Variants in ANGPT1 observed in about 807,000 individuals in gnomAD.
ANGPT1 encodes the protein angiopoietin 1.
A neutral mutation model predicts 62.2 loss-of-function variants in ANGPT1; 17 were observed. That is an observed-to-expected ratio of 0.27 (90% CI 0.19 to 0.41). The LOEUF (loss-of-function observed/expected upper bound fraction) is 0.41. Among genes scored for constraint, ANGPT1 ranks in the 10% least tolerant of loss-of-function variants. The pLI is 1.00. For missense variants in ANGPT1, 478 were observed against 594.9 expected (o/e 0.80, Z 2.04); for synonymous variants, 199 against 198.9 (o/e 1.00, Z 0.00).
At chr8:107,356,289 C>T (rs985512150) in intron 1 of ANGPT1, among the ~76,000 whole-genome samples, 11 of 152,176 alleles carry the variant, frequency 7.2e-5, no homozygotes, top group African/African-American at 2.4e-4. Context: ...ACATTGAAAA[C>T]TAACCATGTC....
At chr8:107,459,524 AC>A (rs1427304309) in intron 1 of ANGPT1, among the ~76,000 whole-genome samples, 101 of 140,600 alleles carry the variant, frequency 7.2e-4, no homozygotes, top group Admixed American at 1.5e-3. Context: ...AACAACAACA[AC>A]AACAAAACAA....
intron 1 of ANGPT1, among the ~76,000 whole-genome samples, chr8:107,358,251 G>A (rs1275428399): frequency 6.6e-6 from 1 of 152,124 alleles, no homozygotes; most frequent in Non-Finnish European, 1.5e-5. Flanking sequence ...AATATTTGTT[G>A]AGTAGTTCTT....
At chr8:107,449,302 T>G (rs1811698883) in intron 1 of ANGPT1, among the ~76,000 whole-genome samples, 1 of 151,890 alleles carries the variant, frequency 6.6e-6, no homozygotes, top group South Asian at 2.1e-4. Context: ...AGTAACCTAT[T>G]TAATGAACTA....
At chr8:107,482,868 G>C (rs1330508930) in intron 1 of ANGPT1, among the ~76,000 whole-genome samples, 1 of 152,098 alleles carries the variant, frequency 6.6e-6, no homozygotes, top group Non-Finnish European at 1.5e-5. Context: ...GGAATGATGT[G>C]TCCTTCTGAT....
At chr8:107,354,351 T>C (rs1262542820) in intron 1 of ANGPT1, among the ~76,000 whole-genome samples, 1 of 152,122 alleles carries the variant, frequency 6.6e-6, no homozygotes, top group African/African-American at 2.4e-5. Flanking sequence ...GGAGTCAGGA[T>C]ATCTGGATTT....
chr8:107,493,990 A>G (rs1023091204), intron 1 of ANGPT1, among the ~76,000 whole-genome samples: 1 of 150,486 alleles, frequency 6.6e-6, no homozygotes, highest in African/African-American at 2.5e-5. Flanking sequence ...TATTTCTTAA[A>G]ATATTCTGGA....
At chr8:107,276,188 G>T (rs1813861670) in intron 7 of ANGPT1, among the ~76,000 whole-genome samples, 1 of 152,076 alleles carries the variant, frequency 6.6e-6, no homozygotes, top group East Asian at 1.9e-4. Context: ...GTTTTAGGAA[G>T]TAACCACAAC....
At chr8:107,375,394 CA>C (rs1483757871) in intron 1 of ANGPT1, among the ~76,000 whole-genome samples, 89 of 152,046 alleles carry the variant, frequency 5.9e-4, no homozygotes, top group Admixed American at 1.6e-3. Flanking sequence ...AGCCAGGGGA[CA>C]ATGGTCAAAA....
At chr8:107,293,233 A>C (rs1324585099) in intron 6 of ANGPT1, among the ~76,000 whole-genome samples, 1 of 145,310 alleles carries the variant, frequency 6.9e-6, no homozygotes, top group African/African-American at 2.5e-5. Flanking sequence ...GATGATGATG[A>C]TGATGCCTGC....
Position 107,370,356 on chromosome 8 carries a change from G to GAAA in ANGPT1, c.298-23262_298-23260dup, listed in dbSNP as rs1313239948. Among the ~76,000 whole-genome samples the GAAA allele has an allele frequency of 3.8e-4, 10 of 26,618 alleles. 2 individuals are homozygous for GAAA. Among genetic ancestry groups the GAAA allele is most frequent in the Non-Finnish European group, 1.3e-3 (10 of 7,582 alleles). The allele number at this position is 26,618 out of a possible 152,430, so 17.5% of individuals were successfully genotyped here. A position where few individuals can be genotyped will look rare whatever the true frequency, so the allele number is the denominator to read the frequency against. On this transcript the variant is annotated intron_variant, in intron 1 of 8. Transcript: ENST00000517746. ...AAAGAAAGAAAAAGAAAGAAAGAAA[G>GAAA]AAAGAAAGAAAGAAAGAAAGAAAGA...
intron 1 of ANGPT1, among the ~76,000 whole-genome samples, chr8:107,493,852 TG>T (rs1341519950): frequency 4.7e-5 from 7 of 150,356 alleles, no homozygotes; most frequent in Admixed American, 2.7e-4. Flanking sequence ...TCATCATCAA[TG>T]TGTTTTGGGT....
chr8:107,351,012 A>G (rs1815920358), intron 1 of ANGPT1, among the ~76,000 whole-genome samples: 1 of 152,160 alleles, frequency 6.6e-6, no homozygotes, highest in African/African-American at 2.4e-5. Flanking sequence ...GTTTACAGAA[A>G]ATGACAGCCA....
At chr8:107,414,407 A>G (rs1220289148) in intron 1 of ANGPT1, among the ~76,000 whole-genome samples, 2 of 152,228 alleles carry the variant, frequency 1.3e-5, no homozygotes, top group Admixed American at 6.5e-5. Flanking sequence ...TGGTCATTCC[A>G]TGATGTACAC....
At chr8:107,371,537 CCTT>C (rs1481930519) in intron 1 of ANGPT1, among the ~76,000 whole-genome samples, 1 of 150,208 alleles carries the variant, frequency 6.7e-6, no homozygotes, top group Non-Finnish European at 1.5e-5. Context: ...GCACCATAAT[CCTT>C]CTTCAATCCC....
intron 3 of ANGPT1, among the ~76,000 whole-genome samples, chr8:107,333,031 A>G (rs531536304): frequency 3.1e-4 from 47 of 152,344 alleles, no homozygotes; most frequent in Admixed American, 1.2e-3. Context: ...CTTTGTTGCA[A>G]TATAAATTGC....
chr8:107,264,436 T>A, intron 7 of ANGPT1, 85 bp from the exon 8 acceptor site: 2 of 1,475,690 alleles, frequency 1.4e-6, no homozygotes, highest in Admixed American at 4.3e-5. Flanking sequence ...ATGTTTGCCT[T>A]TTTCATCATT....
chr8:107,334,207 T>C (rs923961332), intron 3 of ANGPT1, among the ~76,000 whole-genome samples: 1 of 152,084 alleles, frequency 6.6e-6, no homozygotes, highest in Non-Finnish European at 1.5e-5. Context: ...GACAAAGATA[T>C]AATATGCAGA....
intron 1 of ANGPT1, among the ~76,000 whole-genome samples, chr8:107,386,253 T>C (rs1816729933): frequency 1.3e-5 from 2 of 151,700 alleles, no homozygotes; most frequent in East Asian, 1.9e-4. Context: ...GGATGGAGGG[T>C]AGGAGGAGTG....
intron 8 of ANGPT1, among the ~76,000 whole-genome samples, chr8:107,255,049 G>A (rs1333463399): frequency 6.6e-6 from 1 of 152,028 alleles, no homozygotes; most frequent in Non-Finnish European, 1.5e-5. Flanking sequence ...GATAGGGATA[G>A]GGGACAGAAA....
Sources: gnomAD v4.1 joint callset for allele counts (sites outside exome capture counted in the v4.1 genomes callset) on GRCh38, gnomAD v4.1.1 for gene constraint, MANE v1.5 for transcripts, NCBI Gene and HGNC (gene_info 2026-07-23, HGNC 2026-07-21) for gene names.